DNAH6: variants seen among roughly 807,000 people sequenced by gnomAD.
DNAH6 encodes the protein dynein axonemal heavy chain 6, also known as axonemal beta dynein heavy chain 6.
In DNAH6, 340 loss-of-function variants were observed where a neutral mutation model predicts 491.4. The observed-to-expected ratio is 0.69, with a 90% CI of 0.63 to 0.76. The LOEUF is 0.76. DNAH6 is among the 30% of genes least tolerant of loss of function. The pLI is 0.00. For missense variants in DNAH6, 4,443 were observed against 4,972.2 expected (o/e 0.89, Z 3.20); for synonymous variants, 1,603 against 1,686.1 (o/e 0.95, Z 1.21).
Position 84,754,135 on chromosome 2 carries a change from T to C in DNAH6, c.10513-8620T>C, listed in dbSNP as rs182334379. Among the ~76,000 whole-genome samples the C allele has an allele frequency of 1.9e-4, 29 of 151,512 alleles. No homozygotes were observed. In the Middle Eastern group the frequency reaches 0.01, roughly 54 times the overall value. Reference sequence around the variant, plus strand: ...CCACGCCTGGCCTTGAGTTAATTTTTGTATATGATGTCAAGTGTGAAGTAA... The same window carrying C: ...CCACGCCTGGCCTTGAGTTAATTTTCGTATATGATGTCAAGTGTGAAGTAA... On this transcript the variant is annotated intron_variant, in intron 63 of 76. Transcript: ENST00000389394.
chr2:84,707,555 C>T lies in DNAH6; in HGVS notation c.8887C>T (p.Arg2963Cys), dbSNP rs898884916. 14 of 1,551,682 alleles carry T rather than the reference C, an allele frequency of 9.0e-6. No individual in the cohort carries two copies. Among genetic ancestry groups the T allele is most frequent in the South Asian group, 3.6e-5 (3 of 84,050 alleles). ...TMALTKARLV[R>C]AGKLTAALED... ...GGCCCTGACAAAAGCACGTCTAGTA[C>T]GTGCTGGAAAGCTGACAGCAGCATT... Residue 2963 changes from arginine (R) to cysteine (C), a missense_variant, in exon 54 of 77, where the codon CGT becomes TGT. By Grantham distance (180) the Arg-to-Cys change is radical. Transcript: ENST00000389394.
the DNAH6 span, among the ~76,000 whole-genome samples, chr2:84,470,697 A>C: frequency 1.3e-5 from 2 of 152,162 alleles, no homozygotes; most frequent in Non-Finnish European, 2.9e-5. Context: ...GTGACTTAGA[A>C]TGCCTTAACC....
At chr2:84,616,232 T>G (rs113351791) in intron 22 of DNAH6, among the ~76,000 whole-genome samples, 10,110 of 152,104 alleles carry the variant, frequency 0.066, 1,096 homozygotes, top group African/African-American at 0.23. Context: ...AGTTGTTTCT[T>G]TGTTGACTTT....
chr2:84,615,478 G>A (rs1686765455), intron 22 of DNAH6, among the ~76,000 whole-genome samples: 1 of 152,066 alleles, frequency 6.6e-6, no homozygotes. Flanking sequence ...GATGCCTCCA[G>A]ATTTGTTCTT....
At chr2:84,761,868 G>A (rs1004594828) in intron 63 of DNAH6, among the ~76,000 whole-genome samples, 1 of 152,048 alleles carries the variant, frequency 6.6e-6, no homozygotes, top group African/African-American at 2.4e-5. Context: ...CTAGTGGAGG[G>A]CTAAGGGGAG....
chr2:84,678,337 G>C (rs1251826971), intron 41 of DNAH6, among the ~76,000 whole-genome samples: 1 of 152,158 alleles, frequency 6.6e-6, no homozygotes, highest in Non-Finnish European at 1.5e-5. Flanking sequence ...AAAGCCATTA[G>C]AAGGGTTGTC....
intron 37 of DNAH6, among the ~76,000 whole-genome samples, chr2:84,667,927 A>C (rs1692325212): frequency 6.6e-6 from 1 of 152,230 alleles, no homozygotes; most frequent in Admixed American, 6.5e-5. Context: ...GGATGAGTTC[A>C]TGTCCTTTGT....
At chr2:84,754,173 C>CT (rs35418709) in intron 63 of DNAH6, among the ~76,000 whole-genome samples, 12 of 149,916 alleles carry the variant, frequency 8.0e-5, no homozygotes, top group Non-Finnish European at 1.0e-4. Flanking sequence ...GTCCAACATT[C>CT]TTTTTTTTTC....
the DNAH6 span, among the ~76,000 whole-genome samples, chr2:84,475,832 G>A: frequency 3.4e-4 from 51 of 152,182 alleles, no homozygotes; most frequent in South Asian, 5.6e-3. Flanking sequence ...GGTCCTTGTC[G>A]GACAGAACTG....
In DNAH6 at chr2:84,518,039, A is replaced by C; in HGVS notation, c.213A>C (p.Lys71Asn). 1 of 1,545,958 alleles carries C rather than the reference A, an allele frequency of 6.5e-7. No individual in the cohort carries two copies. The highest frequency in any genetic ancestry group is 1.2e-5 in the South Asian group (1 of 82,044). Residue 71 changes from lysine to asparagine, a missense_variant, in exon 2 of 77, where the codon AAA becomes AAC. Physicochemically the swap from Lys to Asn is moderately conservative, Grantham distance 94 (BLOSUM62 0). This residue lies in a region of DNAH6 where 2,977 missense variants were observed against 3,296.6 expected (regional missense o/e 0.90). Coordinates refer to ENST00000389394, the MANE Select transcript of DNAH6 (RefSeq NM_001370.2). ...CAAGAAAACGACAGCAGCCTATAAA[A>C]CTAGAGCCTTTGGTAAGTTCAAAAA... ...EKTRKRQQPIKLEPLPVLKVY... is the reference protein window; with the variant it reads ...EKTRKRQQPINLEPLPVLKVY...
At chr2:84,805,895 C>CT (rs1055774634) in intron 71 of DNAH6, 101 bp downstream of exon 71, 14 of 1,080,688 alleles carry the variant, frequency 1.3e-5, no homozygotes, top group African/African-American at 1.1e-4. Context: ...ATTATGTAGA[C>CT]TTTTTTTAAC....
At chr2:84,480,734 G>A in the DNAH6 span, among the ~76,000 whole-genome samples, 10 of 152,270 alleles carry the variant, frequency 6.6e-5, no homozygotes, top group Middle Eastern at 6.8e-3. Context: ...AGGCCAAGGC[G>A]GGTGGATCAC....
intron 46 of DNAH6, 58 bp from the exon 47 acceptor site, chr2:84,697,517 T>G (rs1481470848): frequency 6.9e-7 from 1 of 1,444,130 alleles, no homozygotes; most frequent in African/African-American, 1.4e-5. Flanking sequence ...AAATATTTGC[T>G]TTATAATAAA....
chr2:84,756,006 G>A lies in DNAH6; in HGVS notation c.10513-6749G>A, dbSNP rs535054927. ...TTGCCTGCTGCCATCCATGTAAGGC[G>A]TGACTTGCCATGCCATGATTGTGAG... is the stretch of plus-strand genomic sequence containing the variant. On this transcript the variant is annotated intron_variant, in intron 63 of 76. Transcript: ENST00000389394. Among the ~76,000 whole-genome samples the A allele has an allele frequency of 1.3e-4, 20 of 152,336 alleles. No individual in the cohort carries two copies. In the South Asian group the frequency reaches 2.1e-3, roughly 16 times the overall value.
At chr2:84,767,074 T>C (rs1675142971) in intron 64 of DNAH6, among the ~76,000 whole-genome samples, 1 of 152,098 alleles carries the variant, frequency 6.6e-6, no homozygotes, top group Non-Finnish European at 1.5e-5. Context: ...GGACTACATG[T>C]TTAAAAACCA....
chr2:84,812,181 G>A (rs1302489457), intron 72 of DNAH6, among the ~76,000 whole-genome samples, 160 bp from the exon 73 acceptor site: 5 of 152,228 alleles, frequency 3.3e-5, no homozygotes, highest in Non-Finnish European at 7.3e-5. Context: ...AGTAATGCGT[G>A]AAATATTGGA....
chr2:84,753,773 A>AAAAAAAAAAAAAAAAAAAAAAAAC (rs1673708068), intron 63 of DNAH6, among the ~76,000 whole-genome samples: 1 of 150,878 alleles, frequency 6.6e-6, no homozygotes, highest in Non-Finnish European at 1.5e-5. Context: ...AAAAAAAAAA[A>AAAAAAAAAAAAAAAAAAAAAAAAC]AAAAAAGTAC....
chr2:84,660,357 T>C (rs1356378059), intron 37 of DNAH6, among the ~76,000 whole-genome samples: 1 of 152,124 alleles, frequency 6.6e-6, no homozygotes, highest in Non-Finnish European at 1.5e-5. Context: ...ATAACCCTTT[T>C]AGTAAAATAA....
At chr2:84,692,405 A>C (rs1171599404) in intron 45 of DNAH6, among the ~76,000 whole-genome samples, 1 of 150,500 alleles carries the variant, frequency 6.6e-6, no homozygotes, top group Non-Finnish European at 1.5e-5. Flanking sequence ...AATTATCAAC[A>C]ATATAAATAA....
Sources: gnomAD v4.1 joint callset for allele counts (sites outside exome capture counted in the v4.1 genomes callset) on GRCh38, gnomAD v4.1.1 for gene constraint, gnomAD v4.1.1 regional missense constraint, MANE v1.5 for transcripts, NCBI Gene and HGNC (gene_info 2026-07-23, HGNC 2026-07-21) for gene names.